The following KLHL1 variants were observed in gnomAD, a reference collection of about 807,000 sequenced individuals.
KLHL1 encodes the protein kelch like family member 1.
KLHL1 carries 47 observed loss-of-function variants against 77.7 expected under a neutral mutation model. That is an observed-to-expected ratio of 0.60 (90% CI 0.48 to 0.77). KLHL1 has a LOEUF of 0.77. Among genes scored for constraint, KLHL1 ranks in the 30% least tolerant of loss-of-function variants. KLHL1 has a pLI of 0.00. For missense variants in KLHL1, 925 were observed against 910.8 expected (o/e 1.02, Z -0.20); for synonymous variants, 360 against 325.2 (o/e 1.11, Z -1.15).
At chr13:70,062,646 T>G (rs1028779382) in intron 1 of KLHL1, among the ~76,000 whole-genome samples, 2 of 152,136 alleles carry the variant, frequency 1.3e-5, no homozygotes, top group African/African-American at 4.8e-5. Flanking sequence ...TCTAAATTAA[T>G]AAATTGATGA....
intron 1 of KLHL1, among the ~76,000 whole-genome samples, chr13:70,021,085 T>C (rs1473760944): frequency 2.6e-5 from 4 of 152,098 alleles, no homozygotes; most frequent in Non-Finnish European, 1.5e-5. Context: ...GTGTTGTCCA[T>C]TCTGTGGGTT....
chr13:69,979,179 T>A (rs9989055), intron 1 of KLHL1, among the ~76,000 whole-genome samples: 21,241 of 128,360 alleles, frequency 0.17, 2,101 homozygotes, highest in African/African-American at 0.3. Context: ...AAAAAAAAAA[T>A]AAATAAGTTC....
intron 4 of KLHL1, among the ~76,000 whole-genome samples, chr13:69,922,590 A>G (rs1245010707): frequency 6.6e-6 from 1 of 152,214 alleles, no homozygotes; most frequent in Admixed American, 6.5e-5. Context: ...AGTAAATAAT[A>G]AAATGTTATT....
chr13:69,816,828 C>T (rs1878140680), intron 6 of KLHL1, among the ~76,000 whole-genome samples: 1 of 152,054 alleles, frequency 6.6e-6, no homozygotes, highest in South Asian at 2.1e-4. Flanking sequence ...AGTGGTGGCA[C>T]ATGCCTGCAG....
At chr13:69,781,118 A>AGTC (rs1004989828) in intron 7 of KLHL1, among the ~76,000 whole-genome samples, 3 of 152,054 alleles carry the variant, frequency 2.0e-5, no homozygotes, top group African/African-American at 7.2e-5. Context: ...AGGGGGAGAC[A>AGTC]GTCTGTGTTT....
chr13:70,107,596 C>T lies in KLHL1; in HGVS notation c.104G>A (p.Gly35Glu). 1.3e-6 allele frequency: 2 copies of T among 1,597,236 alleles called. No homozygotes were observed. The highest frequency in any genetic ancestry group is 1.7e-6 in the Non-Finnish European group (2 of 1,171,734). The change falls in exon 1 of 11, where the codon GGA (glycine) becomes GAA (glutamate). Residue 35 changes from glycine to glutamate, a missense_variant. By Grantham distance (98) the Gly-to-Glu change is moderately conservative. Coordinates refer to ENST00000377844, the MANE Select transcript of KLHL1 (RefSeq NM_020866.3). ...ACTGCCGTCCTGTTGCAGGCAGCCT[C>T]CCCCCGCCGGGCCGCCGGTGGAAGG... ...PSPSTGGPAGGGCLQQDGSGS... is the reference protein window; with the variant it reads ...PSPSTGGPAGEGCLQQDGSGS...
At chr13:69,881,018 C>T (rs1056841346) in intron 5 of KLHL1, among the ~76,000 whole-genome samples, 1 of 152,136 alleles carries the variant, frequency 6.6e-6, no homozygotes, top group East Asian at 1.9e-4. Flanking sequence ...CATTAGAACC[C>T]AAGCTGGGAG....
intron 4 of KLHL1, among the ~76,000 whole-genome samples, chr13:69,914,145 A>G (rs1276136005): frequency 1.3e-5 from 2 of 152,114 alleles, no homozygotes. Context: ...CAGACGGCCT[A>G]TTGTGGGACC....
intron 4 of KLHL1, among the ~76,000 whole-genome samples, chr13:69,883,576 T>C (rs1425387424): frequency 6.6e-6 from 1 of 152,150 alleles, no homozygotes; most frequent in Non-Finnish European, 1.5e-5. Context: ...AACTTAGAAA[T>C]CTTTTCACAA....
At chr13:69,985,913 T>C (rs983246408) in intron 1 of KLHL1, among the ~76,000 whole-genome samples, 1 of 147,758 alleles carries the variant, frequency 6.8e-6, no homozygotes, top group Admixed American at 6.8e-5. Flanking sequence ...ATGTAAGTTA[T>C]ATATATATGT....
rs535599251 is a variant in KLHL1, at chr13:70,027,778, G to C, written c.498-51976C>G. On this transcript the variant is annotated intron_variant, in intron 1 of 10. Coordinates refer to ENST00000377844, the MANE Select transcript of KLHL1 (RefSeq NM_020866.3). ...TATTGTTTTAAGCCTCTGAGATTTG[G>C]GGATTTATTAAGTAGCTTTATCACT... Among the ~76,000 whole-genome samples the C allele has an allele frequency of 2.0e-4, 31 of 151,616 alleles. No individual in the cohort carries two copies. The South Asian group carries it at 5.2e-3, about 25-fold the overall frequency.
At chr13:70,099,105 T>G (rs1428943626) in intron 1 of KLHL1, among the ~76,000 whole-genome samples, 1 of 151,912 alleles carries the variant, frequency 6.6e-6, no homozygotes, top group African/African-American at 2.4e-5. Flanking sequence ...AATATGGAAT[T>G]TTACTTACAC....
chr13:70,088,153 C>T (rs1211979590), intron 1 of KLHL1, among the ~76,000 whole-genome samples: 1 of 152,066 alleles, frequency 6.6e-6, no homozygotes, highest in African/African-American at 2.4e-5. Flanking sequence ...ACTTTCAGTT[C>T]TGCTGATTTT....
intron 4 of KLHL1, among the ~76,000 whole-genome samples, chr13:69,937,279 T>C (rs1191644241): frequency 6.6e-6 from 1 of 152,160 alleles, no homozygotes; most frequent in East Asian, 1.9e-4. Context: ...ATTGCATTAG[T>C]AAAATAAATT....
chr13:70,058,456 A>G (rs1254000107), intron 1 of KLHL1, among the ~76,000 whole-genome samples: 1 of 152,218 alleles, frequency 6.6e-6, no homozygotes, highest in Non-Finnish European at 1.5e-5. Context: ...AAAAAGAAAT[A>G]AAAATACTAA....
chr13:70,053,341 G>A (rs917971656), intron 1 of KLHL1, among the ~76,000 whole-genome samples: 2 of 151,994 alleles, frequency 1.3e-5, no homozygotes, highest in Non-Finnish European at 2.9e-5. Context: ...GATCTAGAGA[G>A]CATAATATGT....
chr13:69,887,132 C>T (rs1593918764), intron 4 of KLHL1, among the ~76,000 whole-genome samples: 1 of 152,040 alleles, frequency 6.6e-6, no homozygotes, highest in Admixed American at 6.6e-5. Flanking sequence ...ATTTCTAATT[C>T]CTTAAGCGTC....
intron 7 of KLHL1, among the ~76,000 whole-genome samples, chr13:69,767,055 C>A (rs1001183096): frequency 3.4e-4 from 51 of 152,100 alleles, no homozygotes; most frequent in African/African-American, 1.2e-3. Flanking sequence ...AGTTTTTCTC[C>A]CTACTTCAGA....
chr13:69,985,632 G>T (rs559448059), intron 1 of KLHL1, among the ~76,000 whole-genome samples: 1 of 151,000 alleles, frequency 6.6e-6, no homozygotes, highest in South Asian at 2.1e-4. Flanking sequence ...TCCACTACAG[G>T]GTATATGCCC....
Sources: allele counts gnomAD v4.1 joint callset (sites outside exome capture counted in the v4.1 genomes callset), GRCh38; gene constraint gnomAD v4.1.1; transcripts MANE v1.5; gene names NCBI Gene and HGNC (gene_info 2026-07-23, HGNC 2026-07-21).